The following VPS13D variants were observed in gnomAD, a reference collection of about 807,000 sequenced individuals.
The protein encoded by VPS13D is vacuolar protein sorting 13 homolog D, also known as intermembrane lipid transfer protein VPS13D.
Under a neutral mutation model 461.9 loss-of-function variants are expected in VPS13D, and 187 were observed. The observed-to-expected ratio is 0.40, with a 90% confidence interval of 0.36 to 0.46. The LOEUF is 0.46. Among genes scored for constraint, VPS13D ranks in the 20% least tolerant of loss-of-function variants. The pLI, the probability that VPS13D is intolerant of heterozygous loss-of-function variation, is 0.60. For missense variants in VPS13D, 4,711 were observed against 5,364.9 expected (o/e 0.88, Z 3.81); for synonymous variants, 1,951 against 1,986.3 (o/e 0.98, Z 0.47).
At chr1:12,445,310 C>G (rs1299792478) in intron 65 of VPS13D, among the ~76,000 whole-genome samples, 2 of 152,314 alleles carry the variant, frequency 1.3e-5, no homozygotes, top group East Asian at 3.9e-4. Flanking sequence ...TCTTTCTAGT[C>G]GTTGAAGGTT....
In VPS13D at chr1:12,291,104, A is replaced by C; in HGVS notation, c.5832A>C (p.Ala1944=). 2 of 1,612,554 alleles carry C rather than the reference A, an allele frequency of 1.2e-6. No individual in the cohort carries two copies. The highest frequency in any genetic ancestry group is 1.7e-4 in the Middle Eastern group (1 of 6,054). Residue 1944 remains alanine, a synonymous_variant, in exon 23 of 70, where the codon GCA becomes GCC. Coordinates refer to ENST00000620676, the MANE Select transcript of VPS13D (RefSeq NM_015378.4). ...GGTTCACTACCAGTGGTGAAGAAGC[A>C]CTCATCTTCCAGACTTTTAAGTAAA... ...RERFTTSGEE[A]LIFQTFKYGR...
chr1:12,230,083 A>C lies in VPS13D; in HGVS notation c.-114A>C, dbSNP rs1224100486. On this transcript the variant is annotated 5_prime_UTR_variant, in exon 1 of 70. Transcript: ENST00000620676. ...GAGCGGCGGGGAGGAAACGCCGCGC[A>C]GCGCCGGGCTGGGGCGGGCGGCCCG... The C allele has an allele frequency of 1.3e-5, 2 of 151,818 alleles. No homozygotes were observed. The highest frequency in any genetic ancestry group is 1.3e-4 in the Admixed American group (2 of 15,236). The allele number at this position is 151,818 out of a possible 1,614,324, so 9.4% of individuals were successfully genotyped here. A position where few individuals can be genotyped will look rare whatever the true frequency, so the allele number is the denominator to read the frequency against.
At chr1:12,361,188 A>C (rs190957383) in intron 50 of VPS13D, among the ~76,000 whole-genome samples, 6 of 152,142 alleles carry the variant, frequency 3.9e-5, no homozygotes, top group African/African-American at 1.4e-4. Context: ...AGGACCTAGC[A>C]TGTATTAAGA....
At chr1:12,451,480 G>T (rs1377386444) in intron 65 of VPS13D, among the ~76,000 whole-genome samples, 1 of 152,220 alleles carries the variant, frequency 6.6e-6, no homozygotes, top group African/African-American at 2.4e-5. Context: ...AGGACATTTT[G>T]TTCCTTGGAA....
At chr1:12,430,993 T>C (rs1046740414) in intron 65 of VPS13D, among the ~76,000 whole-genome samples, 1 of 152,192 alleles carries the variant, frequency 6.6e-6, no homozygotes, top group Non-Finnish European at 1.5e-5. Flanking sequence ...ATAAATTATA[T>C]GGAGAGATAA....
chr1:12,286,139 A>C (rs1303502361), intron 21 of VPS13D, among the ~76,000 whole-genome samples: 1 of 149,324 alleles, frequency 6.7e-6, no homozygotes, highest in Non-Finnish European at 1.5e-5. Context: ...GTGCAATGGC[A>C]TGATCTTGGC....
rs763363232 is a variant in VPS13D at position 12,383,168 on chromosome 1, C to T, written c.11370+13C>T. ...TAGAGCACTCCAGGTGATAATTTGT[C>T]ATAAGAGCTGATGTGAAACTCTGTA... On this transcript the variant is annotated intron_variant, in intron 58 of 69. Transcript: ENST00000620676. 1.9e-6 allele frequency: 3 copies of T among 1,604,932 alleles called. No homozygotes were observed. The South Asian group carries it at 3.4e-5, about 18-fold the overall frequency.
At position 12,276,071 on chromosome 1, in the gene VPS13D, T is replaced by C. The variant is rs1641602036; in HGVS notation, c.2483T>C (p.Val828Ala). 2 of 1,614,076 alleles carry C rather than the reference T, an allele frequency of 1.2e-6. No individual in the cohort carries two copies. The highest frequency in any genetic ancestry group is 1.3e-5 in the African/African-American group (1 of 74,996). Residue 828 changes from valine (V) to alanine (A), a missense_variant, in exon 19 of 70, where the codon GTT (valine) becomes GCT (alanine). Val to Ala is a moderately conservative substitution (Grantham distance 64, BLOSUM62 0). This residue lies in a region of VPS13D where 4,411 missense variants were observed against 4,937.8 expected (regional missense o/e 0.89). Coordinates refer to ENST00000620676, the MANE Select transcript of VPS13D (RefSeq NM_015378.4). This position sits in a 1 kb window ranked among gnomAD's most constrained non-coding sequence, Gnocchi z 4.5. ...TCATTTATGGACCTCCAGATCATGGTTGGACGAGTGAAAGACAATTGGAAG... is the reference window on the plus strand; with the variant it reads ...TCATTTATGGACCTCCAGATCATGGCTGGACGAGTGAAAGACAATTGGAAG... ...SLSFMDLQIM[V>A]GRVKDNWKHV...
intron 21 of VPS13D, among the ~76,000 whole-genome samples, chr1:12,285,383 T>G (rs1330954697): frequency 6.6e-6 from 1 of 150,642 alleles, no homozygotes; most frequent in Non-Finnish European, 1.5e-5. Flanking sequence ...CTCTGCCTCC[T>G]GGGTTCAAGC....
At chr1:12,494,606 C>T (rs954161138) in intron 67 of VPS13D, among the ~76,000 whole-genome samples, 4 of 152,174 alleles carry the variant, frequency 2.6e-5, no homozygotes, top group Non-Finnish European at 5.9e-5. Context: ...TTTAGGACTT[C>T]AGCAAGTTTT....
intron 63 of VPS13D, among the ~76,000 whole-genome samples, chr1:12,411,088 G>A (rs1644721086): frequency 6.6e-6 from 1 of 152,148 alleles, no homozygotes; most frequent in Admixed American, 6.5e-5. Context: ...ACCGTTACAC[G>A]GGAGTTCAGC....
At chr1:12,235,791 C>T (rs1219231984) in intron 2 of VPS13D, among the ~76,000 whole-genome samples, 1 of 152,126 alleles carries the variant, frequency 6.6e-6, no homozygotes, top group Non-Finnish European at 1.5e-5. Context: ...ATTCAAAGTG[C>T]AATAGTAGTG....
chr1:12,260,223 C>T (rs1440666277), intron 10 of VPS13D, among the ~76,000 whole-genome samples: 1 of 151,922 alleles, frequency 6.6e-6, no homozygotes, highest in Non-Finnish European at 1.5e-5. Context: ...GACGGGGTTT[C>T]ACCATGTTAG....
At chr1:12,290,180 C>T (rs183523460) in intron 22 of VPS13D, among the ~76,000 whole-genome samples, 1 of 152,260 alleles carries the variant, frequency 6.6e-6, no homozygotes, top group East Asian at 1.9e-4. Context: ...AGAAACTTCA[C>T]TCATATATCA....
At position 12,308,427 on chromosome 1, in the gene VPS13D, G is replaced by T. The variant is rs747323573; in HGVS notation, c.6440-4G>T. ...ATTACCTCTCTTTCCTTGGGTCCTT[G>T]TAGAAGACCATGTCTGCCTGCTGGA... On this transcript the variant is annotated splice_polypyrimidine_tract_variant and splice_region_variant and intron_variant, in intron 26 of 69. Transcript: ENST00000620676. The T allele has an allele frequency of 7.4e-6, 12 of 1,613,960 alleles. No homozygotes were observed. In the East Asian group the frequency reaches 2.7e-4, roughly 36 times the overall value.
chr1:12,307,449 C>T (rs1453534557), intron 26 of VPS13D, among the ~76,000 whole-genome samples: 1 of 152,088 alleles, frequency 6.6e-6, no homozygotes, highest in Non-Finnish European at 1.5e-5. Flanking sequence ...AGGCAGTGGG[C>T]TTGTGCAGGG....
Position 12,396,020 on chromosome 1 carries a change from TA to T in VPS13D, c.11635-4160del, listed in dbSNP as rs1557754752. On this transcript the variant is annotated intron_variant, in intron 60 of 69. Coordinates refer to ENST00000620676, the MANE Select transcript of VPS13D (RefSeq NM_015378.4). ...AGATATATATATATATATATATATA[TA>T]TATATATAGTTCTTTAAGATCAATA... Among the ~76,000 whole-genome samples, 1,037 of 137,846 alleles carry T rather than the reference TA, an allele frequency of 7.5e-3. 70 individuals carry two copies. The highest frequency in any genetic ancestry group is 0.017 in the African/African-American group (616 of 35,208). 90.4% of individuals were successfully genotyped at this position (137,846 alleles called of 152,430 possible). A position where few individuals can be genotyped will look rare whatever the true frequency, so the allele number is the denominator to read the frequency against.
At chr1:12,455,865 G>T in intron 65 of VPS13D, 133 bp from the exon 66 acceptor site, 1 of 1,147,930 alleles carries the variant, frequency 8.7e-7, no homozygotes, top group Non-Finnish European at 1.1e-6. Flanking sequence ...GTTGTGATGA[G>T]ATGAGATCAC....
chr1:12,253,109 G>T (rs548088159), intron 6 of VPS13D, among the ~76,000 whole-genome samples: 3 of 149,564 alleles, frequency 2.0e-5, no homozygotes, highest in East Asian at 3.9e-4. Flanking sequence ...GGTGAGCCGA[G>T]ATCGTGCCGT....
Sources: allele counts gnomAD v4.1 joint callset (sites outside exome capture counted in the v4.1 genomes callset), GRCh38; gene constraint gnomAD v4.1.1; regional missense constraint gnomAD v4.1.1; non-coding constraint Gnocchi (gnomAD v3.1); transcripts MANE v1.5; gene names NCBI Gene and HGNC (gene_info 2026-07-23, HGNC 2026-07-21).